Variants in CSTPP1 observed in about 807,000 individuals in gnomAD.
CSTPP1 encodes centriolar satellite-associated tubulin polyglutamylase complex regulator 1.
the CSTPP1 span, among the ~76,000 whole-genome samples, chr11:47,130,296 C>T: frequency 6.6e-6 from 1 of 151,878 alleles, no homozygotes; most frequent in Admixed American, 6.6e-5. Context: ...GGGCTTTCTG[C>T]CCCCATTGGA....
the CSTPP1 span, among the ~76,000 whole-genome samples, chr11:46,974,857 AACACACACACACACACACACACAC>A: frequency 6.2e-5 from 9 of 144,132 alleles, no homozygotes; most frequent in East Asian, 2.1e-4. Flanking sequence ...TCTATCTCAA[AACACACACACACACACACACACAC>A]ACACACACAC....
the CSTPP1 span, among the ~76,000 whole-genome samples, chr11:47,070,348 T>C: frequency 6.6e-6 from 1 of 152,190 alleles, no homozygotes; most frequent in Non-Finnish European, 1.5e-5. Flanking sequence ...TCCAGTTTTA[T>C]TTTGCTTGGC....
At chr11:47,103,726 G>A in the CSTPP1 span, 2 of 132,924 alleles carry the variant, frequency 1.5e-5, no homozygotes, top group Admixed American at 8.9e-5. Context: ...CTAGGCTGGA[G>A]TAAAGTGGTG....
chr11:47,160,249 G>A, the CSTPP1 span: 1 of 150,012 alleles, frequency 6.7e-6, no homozygotes, highest in Non-Finnish European at 1.5e-5. Context: ...AGGCTGCAGT[G>A]AGCCATGATC....
chr11:47,012,290 C>T, the CSTPP1 span, among the ~76,000 whole-genome samples: 3 of 152,044 alleles, frequency 2.0e-5, no homozygotes, highest in Non-Finnish European at 4.4e-5. Context: ...CTTTGGGATA[C>T]TGAATGACTG....
the CSTPP1 span, among the ~76,000 whole-genome samples, chr11:47,127,642 T>C: frequency 2.0e-5 from 3 of 152,282 alleles, no homozygotes; most frequent in African/African-American, 4.8e-5. Flanking sequence ...GTACTGTTGA[T>C]TGGATGCTTA....
chr11:47,134,900 GAA>G, the CSTPP1 span, among the ~76,000 whole-genome samples: 1 of 152,154 alleles, frequency 6.6e-6, no homozygotes, highest in Non-Finnish European at 1.5e-5. Context: ...GCTGAGGCGG[GAA>G]GTTCAAGACT....
the CSTPP1 span, chr11:47,164,338 CTTTAT>C: frequency 7.2e-7 from 1 of 1,385,346 alleles, no homozygotes; most frequent in Non-Finnish European, 9.6e-7. Flanking sequence ...CCTGCAGGGG[CTTTAT>C]TTTGACACCA....
chr11:47,071,761 A>G, the CSTPP1 span, among the ~76,000 whole-genome samples: 19 of 152,310 alleles, frequency 1.2e-4, 1 homozygote, highest in South Asian at 3.9e-3. Flanking sequence ...AACTTTAAAA[A>G]CTGTATTAAA....
chr11:47,151,496 TG>T, the CSTPP1 span, among the ~76,000 whole-genome samples: 1 of 151,570 alleles, frequency 6.6e-6, no homozygotes, highest in African/African-American at 2.4e-5. Flanking sequence ...GGTAGGATGG[TG>T]GCTGTGGACG....
chr11:46,973,012 A>AAT, the CSTPP1 span, among the ~76,000 whole-genome samples: 1 of 152,174 alleles, frequency 6.6e-6, no homozygotes. Context: ...CTTCACTGGT[A>AAT]ATATGGAGAT....
chr11:47,013,810 T>C, the CSTPP1 span, among the ~76,000 whole-genome samples: 1 of 152,206 alleles, frequency 6.6e-6, no homozygotes. Context: ...TGAGGAATCA[T>C]CACACTATCT....
chr11:46,936,863 C>CT, the CSTPP1 span: 2 of 1,558,640 alleles, frequency 1.3e-6, no homozygotes, highest in Non-Finnish European at 1.7e-6. Flanking sequence ...TAGGAACCCC[C>CT]TTTAACTTTG....
At chr11:47,057,930 C>T in the CSTPP1 span, among the ~76,000 whole-genome samples, 23 of 152,244 alleles carry the variant, frequency 1.5e-4, no homozygotes, top group South Asian at 3.1e-3. Context: ...TAAATCGATC[C>T]GCAAGTAATT....
the CSTPP1 span, among the ~76,000 whole-genome samples, chr11:46,951,693 C>T: frequency 6.6e-6 from 1 of 151,832 alleles, no homozygotes; most frequent in Non-Finnish European, 1.5e-5. Flanking sequence ...TAACAGTTAC[C>T]CATGAAGATG....
the CSTPP1 span, among the ~76,000 whole-genome samples, chr11:47,114,408 G>C: frequency 1.1e-4 from 16 of 152,200 alleles, no homozygotes; most frequent in South Asian, 4.1e-4. Context: ...GCTTGATGGG[G>C]ATGGCAGTGA....
At chr11:47,027,222 G>C in the CSTPP1 span, among the ~76,000 whole-genome samples, 3 of 152,082 alleles carry the variant, frequency 2.0e-5, no homozygotes, top group Non-Finnish European at 4.4e-5. Flanking sequence ...TATATCAGCC[G>C]GTAAGAAGCT....
chr11:47,023,952 C>A, the CSTPP1 span, among the ~76,000 whole-genome samples: 1 of 152,104 alleles, frequency 6.6e-6, no homozygotes, highest in South Asian at 2.1e-4. Context: ...GCTTTCATTT[C>A]TTTTGACTAT....
At chr11:46,963,228 A>G in the CSTPP1 span, among the ~76,000 whole-genome samples, 1 of 152,076 alleles carries the variant, frequency 6.6e-6, no homozygotes, top group Non-Finnish European at 1.5e-5. Flanking sequence ...GTCTTTTGCC[A>G]TCAAGTACAA....
Sources: gnomAD v4.1 joint callset for allele counts (sites outside exome capture counted in the v4.1 genomes callset) on GRCh38, gnomAD v4.1.1 for gene constraint, MANE v1.5 for transcripts, NCBI Gene and HGNC (gene_info 2026-07-23, HGNC 2026-07-21) for gene names.